IQSEC1: variants seen among roughly 807,000 people sequenced by gnomAD.
IQSEC1 encodes the protein IQ motif and SEC7 domain-containing protein 1.
In IQSEC1, 31 loss-of-function variants were observed where a neutral mutation model predicts 91.0. The ratio of observed to expected loss-of-function variants is 0.34; its 90% CI spans 0.26 to 0.46. The LOEUF is 0.46. Among genes scored for constraint, IQSEC1 ranks in the 20% least tolerant of loss-of-function variants. IQSEC1 has a pLI of 1.00. For synonymous variants in IQSEC1, 699 were observed against 662.6 expected (o/e 1.05, Z -0.84); for missense variants, 1,388 against 1,575.6 (o/e 0.88, Z 2.02).
intron 1 of IQSEC1, among the ~76,000 whole-genome samples, chr3:13,218,507 A>C (rs1306729371): frequency 2.0e-5 from 3 of 152,256 alleles, no homozygotes; most frequent in Non-Finnish European, 2.9e-5. Context: ...AGGTGTGGGA[A>C]GCCTGTGGCC....
chr3:12,949,857 G>A (rs534241075), intron 1 of IQSEC1, among the ~76,000 whole-genome samples: 5 of 152,344 alleles, frequency 3.3e-5, no homozygotes, highest in African/African-American at 1.2e-4. Context: ...CTGCAGGGTG[G>A]TCCTGGTGCA....
rs1575860491 is a variant in IQSEC1 at position 12,908,478 on chromosome 3, A to C, written c.2626T>G (p.Cys876Gly). The C allele has an allele frequency of 6.2e-7, 1 of 1,613,594 alleles. No individual in the cohort carries two copies. The highest frequency in any genetic ancestry group is 8.5e-7 in the Non-Finnish European group (1 of 1,180,028). Residue 876 changes from cysteine (C) to glycine (G), a missense_variant, in exon 12 of 14, where the codon TGC (cysteine) becomes GGC (glycine). Physicochemically the swap from Cys to Gly is radical, Grantham distance 159. Transcript: ENST00000613206. The surrounding 1 kb of genome is among the most constrained non-coding windows in gnomAD (Gnocchi z 4.9). ...CCCGACTCCTTTTTGAGGCTAGAGC[A>C]CTGGGACATGCTGGGCCGCACGACG... is the stretch of plus-strand genomic sequence containing the variant. ...KGVVRPSMSQ[C>G]SSLKKESGNG...
At chr3:12,944,328 C>T (rs879695408) in intron 1 of IQSEC1, among the ~76,000 whole-genome samples, 7 of 152,248 alleles carry the variant, frequency 4.6e-5, no homozygotes, top group Non-Finnish European at 8.8e-5. Context: ...TGAGCAGGGA[C>T]TCGCAATAAA....
At chr3:13,185,537 G>A (rs987508704) in intron 1 of IQSEC1, among the ~76,000 whole-genome samples, 3 of 152,204 alleles carry the variant, frequency 2.0e-5, no homozygotes, top group Non-Finnish European at 2.9e-5. Flanking sequence ...GGCATAAAGC[G>A]TGACAATGGC....
intron 9 of IQSEC1, among the ~76,000 whole-genome samples, chr3:12,912,280 G>A (rs1372770214): frequency 6.6e-6 from 1 of 152,206 alleles, no homozygotes; most frequent in Admixed American, 6.5e-5. Context: ...TGGGCTGGGA[G>A]GGGAGAGGGG....
chr3:13,027,711 GC>G (rs1376676301), intron 1 of IQSEC1, among the ~76,000 whole-genome samples: 1 of 152,148 alleles, frequency 6.6e-6, no homozygotes, highest in African/African-American at 2.4e-5. Context: ...CACAGGGATG[GC>G]CAGTGGGAGC....
At chr3:13,090,230 A>AAG (rs1333649675) in intron 2 of IQSEC1, among the ~76,000 whole-genome samples, 1 of 151,652 alleles carries the variant, frequency 6.6e-6, no homozygotes, top group African/African-American at 2.4e-5. Flanking sequence ...AAAAAATAAA[A>AAG]CAACAAAAAC....
At chr3:12,949,776 G>A (rs1553661147) in intron 1 of IQSEC1, among the ~76,000 whole-genome samples, 1 of 152,174 alleles carries the variant, frequency 6.6e-6, no homozygotes, top group Non-Finnish European at 1.5e-5. Flanking sequence ...GGGGCGGGTG[G>A]GGGCACATCC....
chr3:13,202,032 G>A (rs1694254613), intron 1 of IQSEC1, among the ~76,000 whole-genome samples: 6 of 152,222 alleles, frequency 3.9e-5, no homozygotes, highest in African/African-American at 1.4e-4. Flanking sequence ...TGCAGCCGCT[G>A]CCAAGAGGAG....
chr3:13,071,037 C>G (rs897507316), intron 1 of IQSEC1, among the ~76,000 whole-genome samples: 1 of 152,154 alleles, frequency 6.6e-6, no homozygotes, highest in African/African-American at 2.4e-5. Flanking sequence ...ACGGGAACAT[C>G]AACCACACCT....
chr3:12,909,549 T>G lies in IQSEC1; in HGVS notation c.2417-115A>C. 9.4e-7 allele frequency: 1 copy of G among 1,064,798 alleles called. No individual in the cohort carries two copies. 66.0% of individuals were successfully genotyped at this position (1,064,798 alleles called of 1,614,324 possible). On this transcript the variant is annotated intron_variant, in intron 10 of 13. Coordinates refer to ENST00000613206, the MANE Select transcript of IQSEC1 (RefSeq NM_001134382.3). The surrounding 1 kb of genome is among the most constrained non-coding windows in gnomAD (Gnocchi z 4.9). ...GAGTTGTGCGTGAGCCTGGGATAAG[T>G]GCCGGGAGTCCAGCCTCCGCAGTGG...
At chr3:12,925,161 A>C (rs1697002690) in intron 3 of IQSEC1, among the ~76,000 whole-genome samples, 1 of 152,096 alleles carries the variant, frequency 6.6e-6, no homozygotes, top group African/African-American at 2.4e-5. Flanking sequence ...CCGCACACAC[A>C]TTCAGAACTG....
intron 1 of IQSEC1, among the ~76,000 whole-genome samples, chr3:13,024,617 TGTCCATCATCCATCCACCCATCC>T (rs1434888924): frequency 4.0e-5 from 6 of 148,824 alleles, no homozygotes; most frequent in African/African-American, 1.5e-4. Context: ...TCCACCCATC[TGTCCATCATCCATCCACCCATCC>T]GTCCATCATC....
At chr3:12,910,266 C>A (rs1695440790) in intron 10 of IQSEC1, among the ~76,000 whole-genome samples, 1 of 152,274 alleles carries the variant, frequency 6.6e-6, no homozygotes, top group Admixed American at 6.5e-5. Flanking sequence ...GGAATGACGG[C>A]ATGTCCTATA....
chr3:13,257,341 G>A (rs562929374), intron 1 of IQSEC1, among the ~76,000 whole-genome samples: 1 of 152,188 alleles, frequency 6.6e-6, no homozygotes, highest in African/African-American at 2.4e-5. Flanking sequence ...TAACATTCCG[G>A]CTAGGCAGGA....
chr3:13,066,743 G>A (rs1277426761), intron 1 of IQSEC1, among the ~76,000 whole-genome samples: 2 of 152,232 alleles, frequency 1.3e-5, no homozygotes, highest in East Asian at 1.9e-4. Context: ...AGCCGCTCTG[G>A]CAGGTGCCAC....
rs1252067882 is a variant in IQSEC1, at chr3:12,908,426, AGGCAGGCCC to A, written c.2669_2677del (p.Arg890_Cys892del). The A allele has an allele frequency of 1.2e-6, 2 of 1,613,364 alleles. No individual in the cohort carries two copies. The highest frequency in any genetic ancestry group is 2.2e-5 in the South Asian group (2 of 91,066). On this transcript the variant is annotated inframe_deletion, in exon 12 of 14. Transcript: ENST00000613206. The surrounding 1 kb of genome is among the most constrained non-coding windows in gnomAD (Gnocchi z 4.9). The stretch of plus-strand genomic sequence containing the variant: ...CTCACCGCTGGCATAGCTGTCGTCC[AGGCAGGCCC>A]GGCTCAGTGTTCCGTTGCCCGACTC...
intron 1 of IQSEC1, among the ~76,000 whole-genome samples, chr3:12,964,755 C>T (rs1465602260): frequency 6.6e-6 from 1 of 152,180 alleles, no homozygotes. Context: ...GCCCTGGATT[C>T]CAGATTATCC....
chr3:13,067,445 C>A (rs1705273054), intron 1 of IQSEC1, among the ~76,000 whole-genome samples: 1 of 152,208 alleles, frequency 6.6e-6, no homozygotes, highest in Admixed American at 6.5e-5. Context: ...GGGACAAGTA[C>A]CCTCAGCACC....
Sources: gnomAD v4.1 joint callset for allele counts (sites outside exome capture counted in the v4.1 genomes callset) on GRCh38, gnomAD v4.1.1 for gene constraint, Gnocchi (gnomAD v3.1) non-coding constraint, MANE v1.5 for transcripts, NCBI Gene and HGNC (gene_info 2026-07-23, HGNC 2026-07-21) for gene names.